Variants in PLPPR1 observed in about 807,000 individuals in gnomAD.
The protein encoded by PLPPR1 is phospholipid phosphatase related 1.
In PLPPR1, 10 loss-of-function variants were observed where a neutral mutation model predicts 33.1. That is an observed-to-expected ratio of 0.30 (90% confidence interval 0.19 to 0.51). PLPPR1 has a LOEUF of 0.51. Among genes scored for constraint, PLPPR1 ranks in the 20% least tolerant of loss-of-function variants. The pLI, the probability that PLPPR1 is intolerant of heterozygous loss-of-function variation, is 0.97. For synonymous variants in PLPPR1, 151 were observed against 151.0 expected (o/e 1.00, Z 0.00); for missense variants, 304 against 408.1 (o/e 0.74, Z 2.20).
At chr9:101,296,673 A>T (rs1408098277) in intron 4 of PLPPR1, among the ~76,000 whole-genome samples, 1 of 152,210 alleles carries the variant, frequency 6.6e-6, no homozygotes, top group Non-Finnish European at 1.5e-5. Flanking sequence ...GGAAATCATC[A>T]TTCTCAGTAA....
chr9:101,163,796 G>A (rs1825804233), intron 1 of PLPPR1, among the ~76,000 whole-genome samples: 1 of 152,078 alleles, frequency 6.6e-6, no homozygotes, highest in Non-Finnish European at 1.5e-5. Flanking sequence ...TCTTTTGGGG[G>A]GGCTAATTTA....
At chr9:101,313,158 A>G (rs1202544672) in intron 6 of PLPPR1, among the ~76,000 whole-genome samples, 184 bp downstream of exon 6, 2 of 152,180 alleles carry the variant, frequency 1.3e-5, no homozygotes, top group African/African-American at 4.8e-5. Flanking sequence ...TTCCTTTCAG[A>G]AACTGGATTG....
At chr9:101,115,114 C>T (rs548058917) in intron 1 of PLPPR1, among the ~76,000 whole-genome samples, 47 of 152,268 alleles carry the variant, frequency 3.1e-4, no homozygotes, top group African/African-American at 1.1e-3. Flanking sequence ...TGTCCCATCT[C>T]CACAGTACAG....
chr9:101,080,977 G>C (rs1588019982), intron 1 of PLPPR1, among the ~76,000 whole-genome samples: 1 of 152,122 alleles, frequency 6.6e-6, no homozygotes, highest in East Asian at 1.9e-4. Flanking sequence ...CCGGAGCCTA[G>C]TGGGAGTTCT....
At chr9:101,265,630 T>C (rs1388913603) in intron 2 of PLPPR1, among the ~76,000 whole-genome samples, 2 of 152,258 alleles carry the variant, frequency 1.3e-5, no homozygotes, top group African/African-American at 4.8e-5. Flanking sequence ...GATGGATCTC[T>C]CTGCTCATGG....
chr9:101,196,717 T>C (rs1826400880), intron 2 of PLPPR1, among the ~76,000 whole-genome samples: 1 of 151,960 alleles, frequency 6.6e-6, no homozygotes, highest in African/African-American at 2.4e-5. Context: ...AAAACAAAAT[T>C]AGCTGGGCGT....
At chr9:101,061,013 AAG>A (rs1376128179) in intron 1 of PLPPR1, among the ~76,000 whole-genome samples, 1 of 151,896 alleles carries the variant, frequency 6.6e-6, no homozygotes, top group Non-Finnish European at 1.5e-5. Context: ...TCTCAGTATG[AAG>A]ACTTGTCACC....
At chr9:101,113,746 T>C (rs1360097) in intron 1 of PLPPR1, among the ~76,000 whole-genome samples, 86,752 of 152,036 alleles carry the variant, frequency 0.57, 24,902 homozygotes, top group East Asian at 0.74. Flanking sequence ...ACCAAACTCC[T>C]GCATTGTTGA....
intron 3 of PLPPR1, among the ~76,000 whole-genome samples, chr9:101,274,830 CTG>C (rs1470221777): frequency 6.6e-6 from 1 of 152,154 alleles, no homozygotes; most frequent in African/African-American, 2.4e-5. Flanking sequence ...CCCCCAGTAA[CTG>C]TGTGACCTCT....
intron 1 of PLPPR1, among the ~76,000 whole-genome samples, chr9:101,094,823 C>A (rs1311015113): frequency 6.6e-6 from 1 of 152,148 alleles, no homozygotes; most frequent in Non-Finnish European, 1.5e-5. Context: ...TGTCACCAAC[C>A]CACAATCCCA....
intron 1 of PLPPR1, among the ~76,000 whole-genome samples, chr9:101,152,362 G>C (rs1564159332): frequency 6.6e-6 from 1 of 152,152 alleles, no homozygotes; most frequent in Non-Finnish European, 1.5e-5. Flanking sequence ...TGTTCACTCT[G>C]ATGATAGTTT....
At chr9:101,304,861 G>A (rs1828826444) in intron 4 of PLPPR1, among the ~76,000 whole-genome samples, 1 of 152,172 alleles carries the variant, frequency 6.6e-6, no homozygotes, top group Non-Finnish European at 1.5e-5. Flanking sequence ...AGCTGCTATA[G>A]CCAGCAGCAG....
At position 101,269,740 on chromosome 9, in the gene PLPPR1, G is replaced by A. The variant is rs933055754; in HGVS notation, c.64-140G>A. 9 of 755,224 alleles carry A rather than the reference G, an allele frequency of 1.2e-5. 1 individual carries two copies. Among genetic ancestry groups the A allele is most frequent in the East Asian group, 5.0e-5 (2 of 39,778 alleles). The allele number at this position is 755,224 out of a possible 1,614,324, so 46.8% of individuals were successfully genotyped here. Reference sequence around the variant, plus strand: ...AAGCAAGCACACACTCCCAGAGCACGCTGCGCCTGGCACGCACACACTCGC... The same window carrying A: ...AAGCAAGCACACACTCCCAGAGCACACTGCGCCTGGCACGCACACACTCGC... On this transcript the variant is annotated intron_variant, in intron 2 of 7. Transcript: ENST00000374874.
At chr9:101,292,055 C>T (rs950312704) in intron 4 of PLPPR1, among the ~76,000 whole-genome samples, 26 of 152,080 alleles carry the variant, frequency 1.7e-4, no homozygotes, top group Middle Eastern at 3.4e-3. Flanking sequence ...AAAATGTAGA[C>T]GAATATATAA....
At chr9:101,089,983 G>A (rs1301588705) in intron 1 of PLPPR1, among the ~76,000 whole-genome samples, 3 of 152,148 alleles carry the variant, frequency 2.0e-5, no homozygotes, top group African/African-American at 7.2e-5. Flanking sequence ...TGAGAACAAG[G>A]TGTTGGCTGG....
chr9:101,221,982 A>G (rs565470049), intron 2 of PLPPR1, among the ~76,000 whole-genome samples: 1 of 152,340 alleles, frequency 6.6e-6, no homozygotes, highest in South Asian at 2.1e-4. Flanking sequence ...TTCTAGTAGT[A>G]AAGAGACCAT....
intron 1 of PLPPR1, among the ~76,000 whole-genome samples, chr9:101,058,567 A>G (rs1000052328): frequency 6.6e-6 from 1 of 152,164 alleles, no homozygotes; most frequent in African/African-American, 2.4e-5. Flanking sequence ...CTGAAATAGT[A>G]TGGGGAATAG....
At chr9:101,221,902 T>A (rs1299168427) in intron 2 of PLPPR1, among the ~76,000 whole-genome samples, 1 of 152,156 alleles carries the variant, frequency 6.6e-6, no homozygotes, top group African/African-American at 2.4e-5. Context: ...TTTCTGAGGA[T>A]TAAATGAATG....
intron 1 of PLPPR1, among the ~76,000 whole-genome samples, chr9:101,101,533 A>G (rs1830899808): frequency 6.9e-6 from 1 of 145,528 alleles, no homozygotes; most frequent in Non-Finnish European, 1.5e-5. Context: ...AAAAAAAAAA[A>G]AAGAAACAAT....
Sources: gnomAD v4.1 joint callset for allele counts (sites outside exome capture counted in the v4.1 genomes callset) on GRCh38, gnomAD v4.1.1 for gene constraint, MANE v1.5 for transcripts, NCBI Gene and HGNC (gene_info 2026-07-23, HGNC 2026-07-21) for gene names.